The following KIFC3 variants were observed in gnomAD, a reference collection of about 807,000 sequenced individuals.
KIFC3 encodes kinesin family member C3.
Under a neutral mutation model 101.8 loss-of-function variants are expected in KIFC3, and 60 were observed. That is an observed-to-expected ratio of 0.59 (90% CI 0.48 to 0.73). The LOEUF is 0.73. Among genes scored for constraint, KIFC3 ranks in the 30% least tolerant of loss-of-function variants. The pLI is 0.00. For synonymous variants in KIFC3, 476 were observed against 482.7 expected (o/e 0.99, Z 0.18); for missense variants, 966 against 1,137.1 (o/e 0.85, Z 2.16).
At chr16:57,786,361 A>G (rs1354202005) in intron 3 of KIFC3, among the ~76,000 whole-genome samples, 3 of 152,224 alleles carry the variant, frequency 2.0e-5, no homozygotes, top group Admixed American at 1.3e-4. Flanking sequence ...ACCAGGAACG[A>G]GAGAGATGGA....
intron 3 of KIFC3, among the ~76,000 whole-genome samples, chr16:57,791,220 ACT>A (rs1218695552): frequency 2.6e-5 from 4 of 152,162 alleles, no homozygotes; most frequent in African/African-American, 7.2e-5. Flanking sequence ...ACAACTCAAG[ACT>A]CTGTCTCAAA....
At chr16:57,857,822 C>CTTTTTTTT (rs57102595) in intron 1 of KIFC3, among the ~76,000 whole-genome samples, 12 of 92,780 alleles carry the variant, frequency 1.3e-4, no homozygotes, top group Admixed American at 2.7e-4. Context: ...TTCTTTCTTT[C>CTTTTTTTT]TTTTTTTTTT....
chr16:57,798,377 AC>A, intron 1 of KIFC3, 95 bp from the exon 2 acceptor site: 1 of 1,142,424 alleles, frequency 8.8e-7, no homozygotes, highest in South Asian at 1.3e-5. Flanking sequence ...TCTACGCCCC[AC>A]CGGTCGCTGG....
chr16:57,841,511 C>G (rs997604114), intron 1 of KIFC3, among the ~76,000 whole-genome samples: 6 of 152,070 alleles, frequency 3.9e-5, no homozygotes, highest in Non-Finnish European at 8.8e-5. Context: ...ATTAAAAATA[C>G]AAAAAATTAG....
In KIFC3 at chr16:57,787,985, G is replaced by C. The variant is rs553989580; in HGVS notation, c.315+7014C>G. On this transcript the variant is annotated intron_variant, in intron 3 of 19. Transcript: ENST00000445690. ...GGATGCTGCTTCCCCATTATCACCA[G>C]GCTCTCGCTTACTGCGAGGGACCCC... Among the ~76,000 whole-genome samples, 5 of 152,344 alleles carry C rather than the reference G, an allele frequency of 3.3e-5. No individual in the cohort carries two copies. The East Asian group carries it at 9.7e-4, about 29-fold the overall frequency.
intron 3 of KIFC3, among the ~76,000 whole-genome samples, chr16:57,789,723 G>C (rs1218320641): frequency 2.0e-5 from 3 of 147,212 alleles, no homozygotes; most frequent in African/African-American, 7.7e-5. Flanking sequence ...GTGTTTCTTT[G>C]TTTTGTTTTG....
At chr16:57,854,478 A>C (rs780241595) in intron 1 of KIFC3, among the ~76,000 whole-genome samples, 1 of 152,078 alleles carries the variant, frequency 6.6e-6, no homozygotes, top group African/African-American at 2.4e-5. Context: ...AAATACAAAA[A>C]TTAGCCAGCC....
At chr16:57,802,783 G>T, upstream of KIFC3, 1 of 751,946 alleles carries the variant, frequency 1.3e-6, no homozygotes, top group Non-Finnish European at 2.2e-6. The surrounding 1 kb of genome is among the most constrained non-coding windows in gnomAD (Gnocchi z 5.0). Context: ...CTGCACACGG[G>T]CTGGCACACA....
At chr16:57,811,166 C>T (rs1251958959) in intron 1 of KIFC3, among the ~76,000 whole-genome samples, 1 of 152,180 alleles carries the variant, frequency 6.6e-6, no homozygotes, top group Non-Finnish European at 1.5e-5. Context: ...CTCCAAGGAA[C>T]TCCACTGAAA....
rs192877362 is a variant in KIFC3 at position 57,808,472 on chromosome 16, C to T, written c.109-10190G>A. On this transcript the variant is annotated intron_variant, in intron 1 of 2. Coordinates refer to the KIFC3 transcript ENST00000563028. Reference sequence around the variant, plus strand: ...CAGCACATGCGTTATTAACATCCTTCGCATTTTTCCCCACTTCCTCATTCA... The same window carrying T: ...CAGCACATGCGTTATTAACATCCTTTGCATTTTTCCCCACTTCCTCATTCA... 2.2e-3 allele frequency among the ~76,000 whole-genome samples: 337 copies of T among 152,278 alleles called. 1 individual carries two copies. The highest frequency in any genetic ancestry group is 7.7e-3 in the African/African-American group (322 of 41,556).
At chr16:57,782,208 C>A in intron 3 of KIFC3, 1 of 920,964 alleles carries the variant, frequency 1.1e-6, no homozygotes, top group South Asian at 5.0e-5. Flanking sequence ...AGATCCACCC[C>A]CAAACTGCAA....
chr16:57,841,263 T>C (rs1288822947), intron 1 of KIFC3, among the ~76,000 whole-genome samples: 1 of 152,122 alleles, frequency 6.6e-6, no homozygotes, highest in African/African-American at 2.4e-5. Flanking sequence ...AGTAGGGTGG[T>C]CAAGGAAGGC....
chr16:57,841,150 T>C (rs1448073594), intron 1 of KIFC3, among the ~76,000 whole-genome samples: 4 of 152,172 alleles, frequency 2.6e-5, no homozygotes, highest in Non-Finnish European at 5.9e-5. Context: ...TAGAGTGTGA[T>C]AGAGGACCGT....
At chr16:57,782,243 A>C in intron 3 of KIFC3, 1 of 699,830 alleles carries the variant, frequency 1.4e-6, no homozygotes, top group Non-Finnish European at 1.8e-6. Flanking sequence ...GCCCCAGTTT[A>C]GAGACTGGGA....
chr16:57,781,494 C>T (rs1389439304), intron 3 of KIFC3, among the ~76,000 whole-genome samples: 1 of 152,228 alleles, frequency 6.6e-6, no homozygotes, highest in Non-Finnish European at 1.5e-5. Flanking sequence ...CAGCCACAGC[C>T]TCCTGTGGTC....
In KIFC3 at chr16:57,810,784, G is replaced by A. The variant is rs1555627715; in HGVS notation, c.109-12502C>T. 4.4e-6 allele frequency: 3 copies of A among 684,288 alleles called. No homozygotes were observed. The South Asian group carries it at 2.0e-4, about 45-fold the overall frequency. 42.4% of individuals were successfully genotyped at this position (684,288 alleles called of 1,614,324 possible). On this transcript the variant is annotated intron_variant, in intron 1 of 2. Coordinates refer to the KIFC3 transcript ENST00000563028. Reference sequence around the variant, plus strand: ...ATTCAATCCCCGCAACAACATGTGTGGTAGGTGTTATTATTCCCATTGTAC... The same window carrying A: ...ATTCAATCCCCGCAACAACATGTGTAGTAGGTGTTATTATTCCCATTGTAC...
intron 1 of KIFC3, among the ~76,000 whole-genome samples, chr16:57,811,630 G>A (rs1406191188): frequency 6.6e-6 from 1 of 152,094 alleles, no homozygotes; most frequent in Non-Finnish European, 1.5e-5. Context: ...GGCCTGAGGC[G>A]TGGGGCCAAG....
intron 1 of KIFC3, among the ~76,000 whole-genome samples, chr16:57,801,147 G>C (rs1454118432): frequency 1.3e-5 from 2 of 152,156 alleles, no homozygotes; most frequent in Non-Finnish European, 2.9e-5. Flanking sequence ...GGCCTGGCTG[G>C]GGAAGAGGGT....
At chr16:57,801,279 GGGCTTGGTCGCCCTGGGAGAGCA>G (rs1178717043) in intron 1 of KIFC3, among the ~76,000 whole-genome samples, 1 of 152,180 alleles carries the variant, frequency 6.6e-6, no homozygotes, top group African/African-American at 2.4e-5. Context: ...GCAGCAAGCA[GGGCTTGGTCGCCCTGGGAGAGCA>G]GGCAGAAGGT....
Sources: gnomAD v4.1 joint callset for allele counts (sites outside exome capture counted in the v4.1 genomes callset) on GRCh38, gnomAD v4.1.1 for gene constraint, Gnocchi (gnomAD v3.1) non-coding constraint, MANE v1.5 for transcripts, NCBI Gene and HGNC (gene_info 2026-07-23, HGNC 2026-07-21) for gene names.